Variants in PDE9A observed in about 807,000 individuals in gnomAD.
PDE9A encodes the protein phosphodiesterase 9A, also known as high affinity cGMP-specific 3',5'-cyclic phosphodiesterase 9A.
PDE9A carries 60 observed loss-of-function variants against 87.4 expected under a neutral mutation model. The observed-to-expected ratio is 0.69, with a 90% CI of 0.56 to 0.85. PDE9A has a LOEUF of 0.85. Among genes scored for constraint, PDE9A ranks in the 40% least tolerant of loss-of-function variants. The probability of loss-of-function intolerance (pLI) is 0.00; values close to 1 mark genes in which losing one functional copy is unlikely to be tolerated. For missense variants in PDE9A, 665 were observed against 779.0 expected (o/e 0.85, Z 1.74); for synonymous variants, 272 against 279.4 (o/e 0.97, Z 0.27).
At position 42,659,124 on chromosome 21, in the gene PDE9A, C is replaced by T. The variant is rs541138015; in HGVS notation, c.69+5241C>T. On this transcript the variant is annotated intron_variant, in intron 1 of 19. Transcript: ENST00000291539. The surrounding 1 kb of genome is among the most constrained non-coding windows in gnomAD (Gnocchi z 4.1). ...CTCGGAGAGGGCACAGGAAACTGGGCCCTTCCCAATTTTAGCCCAAGGGTG... is the reference window on the plus strand; with the variant it reads ...CTCGGAGAGGGCACAGGAAACTGGGTCCTTCCCAATTTTAGCCCAAGGGTG... 6.6e-6 allele frequency among the ~76,000 whole-genome samples: 1 copy of T among 152,314 alleles called. No homozygotes were observed. Among genetic ancestry groups the T allele is most frequent in the South Asian group, 2.1e-4 (1 of 4,828 alleles).
intron 4 of PDE9A, among the ~76,000 whole-genome samples, chr21:42,731,433 G>C (rs1431549734): frequency 6.6e-6 from 1 of 152,204 alleles, no homozygotes; most frequent in East Asian, 1.9e-4. Context: ...TCACCTTGCT[G>C]ACAAGGACAG....
At chr21:42,665,978 G>A (rs1040896621) in intron 1 of PDE9A, among the ~76,000 whole-genome samples, 2 of 152,220 alleles carry the variant, frequency 1.3e-5, no homozygotes, top group African/African-American at 4.8e-5. Flanking sequence ...ACCGTGAGAA[G>A]GGAGTCCTAA....
chr21:42,768,153 T>C lies in PDE9A; in HGVS notation c.1357-35T>C, dbSNP rs549371835. 1.8e-4 allele frequency: 239 copies of C among 1,294,856 alleles called. 4 individuals are homozygous for C. The South Asian group carries it at 2.5e-3, about 14-fold the overall frequency. The allele number at this position is 1,294,856 out of a possible 1,614,324, so 80.2% of individuals were successfully genotyped here. On this transcript the variant is annotated intron_variant, in intron 15 of 19. Transcript: ENST00000291539. Reference sequence around the variant, plus strand: ...AGCAGCAGCAGGCCCGTGTTCTACCTCCTGTTACCTCAATTCCAAAATCTC... The same window carrying C: ...AGCAGCAGCAGGCCCGTGTTCTACCCCCTGTTACCTCAATTCCAAAATCTC...
intron 3 of PDE9A, among the ~76,000 whole-genome samples, chr21:42,693,389 T>C (rs1257309137): frequency 1.3e-5 from 2 of 150,392 alleles, no homozygotes; most frequent in Non-Finnish European, 3.0e-5. Context: ...AGCTCTGCCT[T>C]CCGGGTTCAC....
intron 1 of PDE9A, among the ~76,000 whole-genome samples, chr21:42,667,651 G>A (rs566609074): frequency 1.3e-5 from 2 of 152,174 alleles, no homozygotes; most frequent in African/African-American, 2.4e-5. Flanking sequence ...ATGCAAGTTC[G>A]GATCACAACA....
chr21:42,749,785 T>C (rs914110263), intron 8 of PDE9A, among the ~76,000 whole-genome samples: 17 of 152,240 alleles, frequency 1.1e-4, no homozygotes, highest in African/African-American at 3.9e-4. Flanking sequence ...GTTCATGATA[T>C]GTTAGATGAC....
intron 4 of PDE9A, among the ~76,000 whole-genome samples, chr21:42,718,319 T>C (rs1476633933): frequency 6.6e-6 from 1 of 151,882 alleles, no homozygotes; most frequent in African/African-American, 2.4e-5. Flanking sequence ...TCATTGAGCT[T>C]CCATGGACTA....
At chr21:42,703,337 A>T (rs144800405) in intron 4 of PDE9A, among the ~76,000 whole-genome samples, 1 of 152,274 alleles carries the variant, frequency 6.6e-6, no homozygotes, top group Non-Finnish European at 1.5e-5. Flanking sequence ...GTGAGTGAGC[A>T]CCAGCAGGAG....
intron 6 of PDE9A, among the ~76,000 whole-genome samples, 195 bp from the exon 7 acceptor site, chr21:42,733,161 A>T (rs2052016765): frequency 6.6e-6 from 1 of 152,178 alleles, no homozygotes; most frequent in Non-Finnish European, 1.5e-5. Flanking sequence ...TACTTTGGTG[A>T]TTCTTTCCTC....
At chr21:42,747,644 G>A (rs1462718450) in intron 8 of PDE9A, among the ~76,000 whole-genome samples, 1 of 152,222 alleles carries the variant, frequency 6.6e-6, no homozygotes, top group Non-Finnish European at 1.5e-5. Context: ...GAGGACAGAG[G>A]TCCAACTGCC....
chr21:42,695,678 C>A lies in PDE9A; in HGVS notation c.219-3290C>A, dbSNP rs1472599413. 6.6e-6 allele frequency among the ~76,000 whole-genome samples: 1 copy of A among 152,170 alleles called. No homozygotes were observed. The highest frequency in any genetic ancestry group is 1.5e-5 in the Non-Finnish European group (1 of 68,032). ...GAATGGCTCCAGGCCTCCTCCTCCT[C>A]CTATTAAATGTGTTTTAAAAGAGGT... On this transcript the variant is annotated intron_variant, in intron 3 of 19. Coordinates refer to ENST00000291539, the MANE Select transcript of PDE9A (RefSeq NM_002606.3). The surrounding 1 kb of genome is among the most constrained non-coding windows in gnomAD (Gnocchi z 4.3).
At chr21:42,663,962 G>T (rs1472025362) in intron 1 of PDE9A, among the ~76,000 whole-genome samples, 2 of 152,326 alleles carry the variant, frequency 1.3e-5, no homozygotes, top group South Asian at 4.1e-4. Flanking sequence ...CTGGGGTCTG[G>T]AGTTTGTGAT....
chr21:42,712,422 T>C (rs997738987), intron 4 of PDE9A, among the ~76,000 whole-genome samples: 8 of 152,264 alleles, frequency 5.3e-5, no homozygotes, highest in African/African-American at 1.9e-4. Flanking sequence ...TGTTGTTTTA[T>C]AGGTTCCTAT....
Position 42,739,118 on chromosome 21 carries a change from A to T in PDE9A, c.569-4658A>T, listed in dbSNP as rs1189781748. 6.6e-6 allele frequency among the ~76,000 whole-genome samples: 1 copy of T among 152,174 alleles called. No homozygotes were observed. Among genetic ancestry groups the T allele is most frequent in the Admixed American group, 6.5e-5 (1 of 15,278 alleles). On this transcript the variant is annotated intron_variant, in intron 7 of 19. Coordinates refer to ENST00000291539, the MANE Select transcript of PDE9A (RefSeq NM_002606.3). This position sits in a 1 kb window ranked among gnomAD's most constrained non-coding sequence, Gnocchi z 4.1. ...CCGTGGGCTGGGCTCCCAGCCCCCT[A>T]GCAGGGTCCAGTGGGCCAGGGAGCC...
intron 4 of PDE9A, among the ~76,000 whole-genome samples, chr21:42,731,486 A>G (rs1205114147): frequency 6.6e-6 from 1 of 152,106 alleles, no homozygotes; most frequent in East Asian, 1.9e-4. Context: ...TCTGGCATTG[A>G]GCCTGGTCAG....
chr21:42,697,642 G>A (rs947913508), intron 3 of PDE9A: 1 of 673,080 alleles, frequency 1.5e-6, no homozygotes, highest in Non-Finnish European at 2.7e-6. Flanking sequence ...TGTTCCTGGG[G>A]AGGCCTCTCT....
intron 4 of PDE9A, among the ~76,000 whole-genome samples, chr21:42,717,059 A>G (rs887833741): frequency 1.3e-5 from 2 of 151,436 alleles, no homozygotes; most frequent in Non-Finnish European, 2.9e-5. Flanking sequence ...TGCCTGGCCT[A>G]TAATTTCTTA....
chr21:42,751,430 C>A (rs930148422), intron 9 of PDE9A, among the ~76,000 whole-genome samples: 10 of 152,234 alleles, frequency 6.6e-5, no homozygotes, highest in Non-Finnish European at 1.3e-4. Flanking sequence ...ATAACAGCTC[C>A]GTGCTGCTGT....
rs984545951 is a variant in PDE9A, at chr21:42,696,888, C to T, written c.219-2080C>T. Among the ~76,000 whole-genome samples the T allele has an allele frequency of 6.6e-6, 1 of 152,166 alleles. No individual in the cohort carries two copies. The highest frequency in any genetic ancestry group is 1.5e-5 in the Non-Finnish European group (1 of 68,020). On this transcript the variant is annotated intron_variant, in intron 3 of 19. Coordinates refer to ENST00000291539, the MANE Select transcript of PDE9A (RefSeq NM_002606.3). This position sits in a 1 kb window ranked among gnomAD's most constrained non-coding sequence, Gnocchi z 5.1. ...CGATGACGACCGAGTGCCCTCTCCA[C>T]CTGGGGAGCTTGGAGGACTTTGCTC...
Sources: gnomAD v4.1 joint callset for allele counts (sites outside exome capture counted in the v4.1 genomes callset) on GRCh38, gnomAD v4.1.1 for gene constraint, Gnocchi (gnomAD v3.1) non-coding constraint, MANE v1.5 for transcripts, NCBI Gene and HGNC (gene_info 2026-07-23, HGNC 2026-07-21) for gene names.